GRIK2: variants seen among roughly 807,000 people sequenced by gnomAD.
GRIK2 encodes the protein glutamate ionotropic receptor kainate type subunit 2, also known as glutamate receptor ionotropic, kainate 2.
A neutral mutation model predicts 100.3 loss-of-function variants in GRIK2; 32 were observed. The ratio of observed to expected loss-of-function variants is 0.32; its 90% CI spans 0.24 to 0.43. The LOEUF is 0.43. GRIK2 is among the 20% of genes least tolerant of loss of function. The pLI, the probability that GRIK2 is intolerant of heterozygous loss-of-function variation, is 1.00. For missense variants in GRIK2, 843 were observed against 1,114.9 expected (o/e 0.76, Z 3.47); for synonymous variants, 417 against 389.4 (o/e 1.07, Z -0.83).
chr6:102,032,948 A>T (rs1770075289), intron 14 of GRIK2, among the ~76,000 whole-genome samples: 1 of 151,262 alleles, frequency 6.6e-6, no homozygotes, highest in Non-Finnish European at 1.5e-5. Flanking sequence ...CATGAAATGT[A>T]TATTTAGATA....
At chr6:101,431,138 C>A in intron 2 of GRIK2, 1 of 246,454 alleles carries the variant, frequency 4.1e-6, no homozygotes, top group Non-Finnish European at 8.8e-6. Flanking sequence ...TCAGAGGAGC[C>A]TCGGGCAGCA....
intron 11 of GRIK2, among the ~76,000 whole-genome samples, chr6:101,874,234 A>G (rs1363237570): frequency 6.6e-6 from 1 of 152,052 alleles, no homozygotes; most frequent in Non-Finnish European, 1.5e-5. Flanking sequence ...TTTTAGGTCT[A>G]ACATTTAAGT....
chr6:101,708,417 T>C (rs895597732), intron 7 of GRIK2, among the ~76,000 whole-genome samples: 3 of 151,642 alleles, frequency 2.0e-5, no homozygotes, highest in African/African-American at 7.2e-5. Flanking sequence ...ATGATGATAA[T>C]ATAACTCTTC....
intron 2 of GRIK2, among the ~76,000 whole-genome samples, chr6:101,543,323 T>C (rs1776091740): frequency 6.6e-6 from 1 of 152,158 alleles, no homozygotes; most frequent in East Asian, 1.9e-4. Flanking sequence ...TTAGTGAGGC[T>C]TTTCTTTTAT....
At chr6:101,523,946 C>A (rs1775017349) in intron 2 of GRIK2, among the ~76,000 whole-genome samples, 1 of 151,930 alleles carries the variant, frequency 6.6e-6, no homozygotes, top group Non-Finnish European at 1.5e-5. Flanking sequence ...GGCCTCGAAC[C>A]CCTGACCTCA....
intron 2 of GRIK2, among the ~76,000 whole-genome samples, chr6:101,608,976 G>T (rs1779559798): frequency 2.0e-5 from 3 of 151,762 alleles, no homozygotes; most frequent in South Asian, 4.1e-4. Flanking sequence ...GTTTGACAGT[G>T]TCACACCACT....
At chr6:101,908,014 T>G (rs1029984366) in intron 12 of GRIK2, among the ~76,000 whole-genome samples, 1 of 151,598 alleles carries the variant, frequency 6.6e-6, no homozygotes, top group African/African-American at 2.4e-5. Flanking sequence ...TTTCTGAATT[T>G]CCCCTTTCTT....
chr6:101,788,067 G>A (rs747743473), intron 7 of GRIK2, among the ~76,000 whole-genome samples: 7 of 151,628 alleles, frequency 4.6e-5, no homozygotes, highest in Non-Finnish European at 8.8e-5. Context: ...TCTTTGTACT[G>A]TTTTTTGACT....
intron 2 of GRIK2, among the ~76,000 whole-genome samples, chr6:101,450,344 C>T (rs1051215954): frequency 5.3e-5 from 8 of 151,524 alleles, no homozygotes; most frequent in African/African-American, 1.9e-4. Context: ...AGGAGTGAAC[C>T]TTATTACAAT....
chr6:101,737,789 A>C (rs913563818), intron 7 of GRIK2, among the ~76,000 whole-genome samples: 5 of 152,180 alleles, frequency 3.3e-5, no homozygotes, highest in Non-Finnish European at 7.3e-5. Flanking sequence ...TCTGTCTACA[A>C]AGTGATTTTT....
At chr6:101,806,588 A>T (rs950681948) in intron 9 of GRIK2, among the ~76,000 whole-genome samples, 1 of 149,552 alleles carries the variant, frequency 6.7e-6, no homozygotes, top group African/African-American at 2.5e-5. Flanking sequence ...TCATGTCATC[A>T]TGTTCTCAGA....
chr6:101,530,527 G>A (rs1382112856), intron 2 of GRIK2, among the ~76,000 whole-genome samples: 1 of 148,846 alleles, frequency 6.7e-6, no homozygotes, highest in African/African-American at 2.5e-5. Context: ...TAAAAATAAG[G>A]TGGATACATA....
At chr6:101,943,729 T>C (rs549147395) in intron 14 of GRIK2, among the ~76,000 whole-genome samples, 27 of 152,274 alleles carry the variant, frequency 1.8e-4, no homozygotes, top group African/African-American at 6.5e-4. Flanking sequence ...AATGGGAGCA[T>C]TTACCCAATG....
chr6:101,927,694 C>T (rs1192926522), intron 13 of GRIK2: 5 of 151,752 alleles, frequency 3.3e-5, no homozygotes, highest in African/African-American at 7.3e-5. Flanking sequence ...CAACTCCAGC[C>T]GTACATTCTG....
intron 14 of GRIK2, among the ~76,000 whole-genome samples, chr6:102,011,577 CTTTTTTTTTTTTTTTT>C (rs763369559): frequency 5.0e-4 from 38 of 76,650 alleles, no homozygotes; most frequent in Non-Finnish European, 6.9e-4. Flanking sequence ...CTTTCTTTTC[CTTTTTTTTTTTTTTTT>C]TTTTTTTTGA....
chr6:101,904,153 A>G (rs1183583328), intron 12 of GRIK2, among the ~76,000 whole-genome samples: 1 of 93,138 alleles, frequency 1.1e-5, no homozygotes, highest in Non-Finnish European at 2.2e-5. Flanking sequence ...GCATTGCTTT[A>G]ACATATAAGT....
intron 2 of GRIK2, among the ~76,000 whole-genome samples, chr6:101,603,608 G>T (rs1779319672): frequency 6.6e-6 from 1 of 151,688 alleles, no homozygotes. Context: ...CTTTTGGCAA[G>T]AACTTCATAA....
At chr6:101,897,843 T>A (rs1362506952) in intron 12 of GRIK2, among the ~76,000 whole-genome samples, 2 of 151,916 alleles carry the variant, frequency 1.3e-5, no homozygotes, top group Non-Finnish European at 2.9e-5. Context: ...CAGTATTTTT[T>A]TTCTTTAATG....
At chr6:102,048,617 A>G (rs1017282326) in intron 15 of GRIK2, among the ~76,000 whole-genome samples, 2 of 152,176 alleles carry the variant, frequency 1.3e-5, no homozygotes, top group South Asian at 2.1e-4. Flanking sequence ...ATTGTTAATC[A>G]TTGGGGAAAT....
Sources: allele counts gnomAD v4.1 joint callset (sites outside exome capture counted in the v4.1 genomes callset), GRCh38; gene constraint gnomAD v4.1.1; transcripts MANE v1.5; gene names NCBI Gene and HGNC (gene_info 2026-07-23, HGNC 2026-07-21).